KCNIP3: variants seen among roughly 807,000 people sequenced by gnomAD.
KCNIP3 encodes the protein potassium voltage-gated channel interacting protein 3, also known as calsenilin.
Under a neutral mutation model 35.0 loss-of-function variants are expected in KCNIP3, and 28 were observed. The ratio of observed to expected loss-of-function variants is 0.80; its 90% CI spans 0.59 to 1.10. The LOEUF (loss-of-function observed/expected upper bound fraction) is 1.10. Ranked by LOEUF, KCNIP3 falls within the 50% of genes least tolerant of loss-of-function variation. The pLI, the probability that KCNIP3 is intolerant of heterozygous loss-of-function variation, is 0.00. For synonymous variants in KCNIP3, 134 were observed against 133.8 expected, an observed-to-expected ratio of 1.00 and a Z score of -0.01; for missense variants, 295 against 338.4, an observed-to-expected ratio of 0.87 and a Z score of 1.01.
chr2:95,306,342 T>C (rs986050449), intron 1 of KCNIP3, among the ~76,000 whole-genome samples: 1 of 152,268 alleles, frequency 6.6e-6, no homozygotes, highest in African/African-American at 2.4e-5. Context: ...GATGGTTTGC[T>C]CTTTTACTGT....
chr2:95,366,170 C>T (rs922708890), intron 2 of KCNIP3, among the ~76,000 whole-genome samples: 3 of 152,112 alleles, frequency 2.0e-5, no homozygotes, highest in Non-Finnish European at 2.9e-5. Flanking sequence ...ACAATGTCGT[C>T]ACCACAAAAA....
intron 1 of KCNIP3, among the ~76,000 whole-genome samples, chr2:95,305,136 G>A (rs1447618563): frequency 6.6e-6 from 1 of 152,174 alleles, no homozygotes; most frequent in African/African-American, 2.4e-5. Flanking sequence ...CTCTAAAGCT[G>A]GTAGACAATG....
chr2:95,321,349 A>C (rs767059297), intron 2 of KCNIP3, among the ~76,000 whole-genome samples: 14 of 152,210 alleles, frequency 9.2e-5, no homozygotes, highest in Non-Finnish European at 1.8e-4. Context: ...AGTTCACGTC[A>C]AGAGAGCGTC....
rs926600907 is a variant in KCNIP3 at position 95,378,833 on chromosome 2, CAT to C, written c.448-2760_448-2759del. 8.6e-5 allele frequency among the ~76,000 whole-genome samples: 13 copies of C among 151,278 alleles called. No homozygotes were observed. The highest frequency in any genetic ancestry group is 2.1e-4 in the South Asian group (1 of 4,800). ...ACACACACACACACATATATACACA[CAT>C]ATTTATATACACATATATATACACA... is the stretch of plus-strand genomic sequence containing the variant. On this transcript the variant is annotated intron_variant, in intron 5 of 8. Transcript: ENST00000295225. The surrounding 1 kb of genome is among the most constrained non-coding windows in gnomAD (Gnocchi z 4.0).
intron 2 of KCNIP3, among the ~76,000 whole-genome samples, chr2:95,350,635 C>T (rs1170510016): frequency 6.6e-6 from 1 of 152,120 alleles, no homozygotes; most frequent in African/African-American, 2.4e-5. Flanking sequence ...AGCACAGAGG[C>T]TGGAGGTGGG....
chr2:95,314,202 G>A (rs1420642977), intron 2 of KCNIP3, among the ~76,000 whole-genome samples: 1 of 152,084 alleles, frequency 6.6e-6, no homozygotes, highest in Admixed American at 6.5e-5. Context: ...GAGTTAACTC[G>A]TCTCTAATAC....
chr2:95,350,792 A>G (rs1483687593), intron 2 of KCNIP3, among the ~76,000 whole-genome samples: 1 of 152,154 alleles, frequency 6.6e-6, no homozygotes, highest in Non-Finnish European at 1.5e-5. Flanking sequence ...CGCTGTGCCC[A>G]CCCTGGGGCA....
chr2:95,318,698 G>A (rs1678518204), intron 2 of KCNIP3, among the ~76,000 whole-genome samples: 1 of 152,242 alleles, frequency 6.6e-6, no homozygotes, highest in Non-Finnish European at 1.5e-5. Context: ...CTGCATGGGG[G>A]GACCTGGCAT....
intron 2 of KCNIP3, chr2:95,346,819 T>C: frequency 5.0e-6 from 1 of 200,026 alleles, no homozygotes; most frequent in African/African-American, 2.4e-5. Flanking sequence ...GCGTCCAGCC[T>C]CCGGCCTGAC....
intron 2 of KCNIP3, among the ~76,000 whole-genome samples, chr2:95,357,423 C>T (rs899611352): frequency 3.3e-5 from 5 of 152,200 alleles, no homozygotes; most frequent in African/African-American, 1.2e-4. Flanking sequence ...GCCTCTTCCC[C>T]AAGCCCTCAT....
intron 2 of KCNIP3, among the ~76,000 whole-genome samples, chr2:95,332,668 A>G (rs1678961365): frequency 6.6e-6 from 1 of 152,214 alleles, no homozygotes; most frequent in East Asian, 1.9e-4. Flanking sequence ...TTGTGGGCAA[A>G]CACATTTGGG....
At chr2:95,357,472 C>T (rs2104281282) in intron 2 of KCNIP3, among the ~76,000 whole-genome samples, 1 of 152,226 alleles carries the variant, frequency 6.6e-6, no homozygotes, top group Middle Eastern at 3.4e-3. Context: ...AATTCCAGGG[C>T]TAACTGCGCC....
Position 95,312,810 on chromosome 2 carries a change from G to A in KCNIP3, c.181+2290G>A, listed in dbSNP as rs906387139. ...GCGTCTTTGGTGGGAGCTGAGGGAC[G>A]AGGGAGCCCAGGGACCTCACGGACA... is the stretch of plus-strand genomic sequence containing the variant. On this transcript the variant is annotated intron_variant, in intron 2 of 8. Coordinates refer to ENST00000295225, the MANE Select transcript of KCNIP3 (RefSeq NM_013434.5). 14 of 152,184 alleles carry A rather than the reference G, an allele frequency of 9.2e-5. No individual in the cohort carries two copies. In the East Asian group the frequency reaches 1.4e-3, roughly 15 times the overall value. 9.4% of individuals were successfully genotyped at this position (152,184 alleles called of 1,614,324 possible).
chr2:95,319,806 C>T (rs1573487107), intron 2 of KCNIP3, among the ~76,000 whole-genome samples: 3 of 152,358 alleles, frequency 2.0e-5, no homozygotes, highest in East Asian at 1.9e-4. Context: ...TCTCTCCCTC[C>T]GCTGCGCCGT....
chr2:95,317,370 G>T (rs1419111711), intron 2 of KCNIP3, among the ~76,000 whole-genome samples: 4 of 152,318 alleles, frequency 2.6e-5, no homozygotes, highest in Middle Eastern at 3.4e-3. Flanking sequence ...AGCCGCAGGG[G>T]CCCTTCTGCC....
chr2:95,335,487 G>A (rs1215318569), intron 2 of KCNIP3, among the ~76,000 whole-genome samples: 1 of 152,166 alleles, frequency 6.6e-6, no homozygotes, highest in Non-Finnish European at 1.5e-5. Context: ...AGTACAATGT[G>A]TCTGTTTTTC....
At chr2:95,310,291 G>A (rs1251534588) in intron 1 of KCNIP3, 64 bp from the exon 2 acceptor site, 2 of 1,600,300 alleles carry the variant, frequency 1.2e-6, no homozygotes, top group African/African-American at 1.3e-5. Flanking sequence ...GGGCAGCTCG[G>A]GACCATCCAG....
chr2:95,358,558 T>G (rs1317070766), intron 2 of KCNIP3, among the ~76,000 whole-genome samples: 1 of 152,234 alleles, frequency 6.6e-6, no homozygotes, highest in Non-Finnish European at 1.5e-5. Context: ...TGTTTTCTGC[T>G]GCTATAACAG....
chr2:95,359,927 C>T (rs1391342305), intron 2 of KCNIP3, among the ~76,000 whole-genome samples: 6 of 152,218 alleles, frequency 3.9e-5, no homozygotes, highest in Admixed American at 3.9e-4. Context: ...GGGCCCTTGG[C>T]CCATCCCCTA....
Sources: gnomAD v4.1 joint callset for allele counts (sites outside exome capture counted in the v4.1 genomes callset) on GRCh38, gnomAD v4.1.1 for gene constraint, Gnocchi (gnomAD v3.1) non-coding constraint, MANE v1.5 for transcripts, NCBI Gene and HGNC (gene_info 2026-07-23, HGNC 2026-07-21) for gene names.